The following TSNARE1 variants were observed in gnomAD, a reference collection of about 807,000 sequenced individuals.
TSNARE1 encodes t-SNARE domain-containing protein 1.
Under a neutral mutation model 62.0 loss-of-function variants are expected in TSNARE1, and 49 were observed. The ratio of observed to expected loss-of-function variants is 0.79; its 90% CI spans 0.63 to 1.00. The LOEUF (loss-of-function observed/expected upper bound fraction) is 1.00, where lower values mean the gene tolerates loss of function less well. TSNARE1 is among the 50% of genes least tolerant of loss of function. The probability of loss-of-function intolerance (pLI) is 0.00; values close to 1 mark genes in which losing one functional copy is unlikely to be tolerated. For synonymous variants in TSNARE1, 328 were observed against 294.4 expected (o/e 1.11, Z -1.17); for missense variants, 755 against 700.1 (o/e 1.08, Z -0.88).
intron 9 of TSNARE1, among the ~76,000 whole-genome samples, chr8:142,304,483 G>T (rs933937742): frequency 6.6e-6 from 1 of 152,202 alleles, no homozygotes; most frequent in Admixed American, 6.5e-5. Flanking sequence ...CCACCCACAC[G>T]GTCTGACCCC....
At chr8:142,268,005 A>T (rs1347963388) in intron 12 of TSNARE1, among the ~76,000 whole-genome samples, 2 of 152,192 alleles carry the variant, frequency 1.3e-5, no homozygotes, top group African/African-American at 2.4e-5. Context: ...GGCGAACCTC[A>T]GGCCACCCCT....
intron 12 of TSNARE1, among the ~76,000 whole-genome samples, chr8:142,245,537 G>T (rs1817850648): frequency 6.6e-6 from 1 of 152,184 alleles, no homozygotes; most frequent in African/African-American, 2.4e-5. Flanking sequence ...TCAAAACAAA[G>T]CTGGATGACA....
intron 6 of TSNARE1, among the ~76,000 whole-genome samples, chr8:142,322,770 G>T (rs1395954615): frequency 6.6e-6 from 1 of 152,092 alleles, no homozygotes; most frequent in African/African-American, 2.4e-5. Context: ...CTGTGTCCAT[G>T]GGCTGGATGA....
chr8:142,270,154 G>A (rs1398591010), intron 12 of TSNARE1: 1 of 985,324 alleles, frequency 1.0e-6, no homozygotes, highest in Non-Finnish European at 1.2e-6. Context: ...CCCGACGGCT[G>A]CCTAGGCTGG....
intron 10 of TSNARE1, among the ~76,000 whole-genome samples, chr8:142,286,928 T>C (rs373112463): frequency 6.6e-6 from 1 of 152,170 alleles, no homozygotes; most frequent in Non-Finnish European, 1.5e-5. Flanking sequence ...CATCTCCTCA[T>C]GCGGCATGTG....
chr8:142,358,464 C>T (rs1380901367), intron 1 of TSNARE1, among the ~76,000 whole-genome samples: 1 of 152,122 alleles, frequency 6.6e-6, no homozygotes, highest in Non-Finnish European at 1.5e-5. Flanking sequence ...GACTGGAAGG[C>T]TGCCCAACTC....
chr8:142,294,949 T>G (rs1423826629), intron 10 of TSNARE1, among the ~76,000 whole-genome samples: 1 of 152,042 alleles, frequency 6.6e-6, no homozygotes, highest in East Asian at 1.9e-4. Flanking sequence ...CCGCCAGCAC[T>G]CACCTCCGCG....
chr8:142,278,917 C>T (rs1820946260), intron 11 of TSNARE1: 2 of 488,850 alleles, frequency 4.1e-6, no homozygotes, highest in African/African-American at 4.2e-5. Context: ...TGGCTCTGCC[C>T]AAACTCCTCA....
intron 6 of TSNARE1, among the ~76,000 whole-genome samples, chr8:142,323,597 T>C (rs1829800331): frequency 6.6e-6 from 1 of 152,194 alleles, no homozygotes; most frequent in Non-Finnish European, 1.5e-5. Context: ...GACTCCAATC[T>C]GAGGCTGGAC....
chr8:142,269,096 T>C (rs1234366121), intron 12 of TSNARE1, among the ~76,000 whole-genome samples: 1 of 152,242 alleles, frequency 6.6e-6, no homozygotes, highest in Non-Finnish European at 1.5e-5. Flanking sequence ...TGTTTCTGTA[T>C]CCTCAGCACT....
At chr8:142,318,005 C>T (rs1377329106) in intron 7 of TSNARE1, among the ~76,000 whole-genome samples, 1 of 152,156 alleles carries the variant, frequency 6.6e-6, no homozygotes, top group Admixed American at 6.5e-5. Flanking sequence ...AGGGAACAGC[C>T]CTGGGGCAGC....
At chr8:142,292,327 G>T (rs1023668810) in intron 10 of TSNARE1, among the ~76,000 whole-genome samples, 1 of 152,224 alleles carries the variant, frequency 6.6e-6, no homozygotes, top group Admixed American at 6.5e-5. Flanking sequence ...GGCGAGGGCC[G>T]GAGAGGAATG....
At chr8:142,320,625 G>A (rs151086237) in intron 6 of TSNARE1, among the ~76,000 whole-genome samples, 1 of 152,276 alleles carries the variant, frequency 6.6e-6, no homozygotes, top group East Asian at 1.9e-4. Context: ...TGCTGCTCCT[G>A]AATGAGCCGG....
At chr8:142,251,635 C>T (rs1000925387) in intron 12 of TSNARE1, among the ~76,000 whole-genome samples, 4 of 152,192 alleles carry the variant, frequency 2.6e-5, no homozygotes, top group Non-Finnish European at 5.9e-5. Flanking sequence ...GAGGAGCCTT[C>T]GACACCCTTC....
intron 13 of TSNARE1, among the ~76,000 whole-genome samples, chr8:142,222,956 T>TCATC (rs796867557): frequency 0.29 from 41,378 of 140,414 alleles, 8,301 homozygotes; most frequent in East Asian, 0.49. Context: ...ACTCATCCAC[T>TCATC]CACTCACTCA....
intron 1 of TSNARE1, among the ~76,000 whole-genome samples, chr8:142,386,984 C>T (rs951611115): frequency 6.6e-6 from 1 of 152,164 alleles, no homozygotes; most frequent in Non-Finnish European, 1.5e-5. Context: ...CATCAAACTT[C>T]CGTAACCCAA....
chr8:142,335,147 G>C (rs953406846), intron 4 of TSNARE1, among the ~76,000 whole-genome samples: 1 of 151,520 alleles, frequency 6.6e-6, no homozygotes, highest in African/African-American at 2.4e-5. Context: ...ACGAGGCAGG[G>C]TTATCATGTG....
intron 1 of TSNARE1, among the ~76,000 whole-genome samples, chr8:142,400,151 AAAG>A (rs1198818835): frequency 2.6e-5 from 4 of 152,110 alleles, no homozygotes; most frequent in Admixed American, 6.5e-5. Context: ...GCCTGGCCAA[AAAG>A]AAGAAGTGGC....
intron 2 of TSNARE1, among the ~76,000 whole-genome samples, chr8:142,347,217 T>A (rs987271713): frequency 6.6e-6 from 1 of 152,130 alleles, no homozygotes; most frequent in Non-Finnish European, 1.5e-5. Flanking sequence ...GCAAAGTAGA[T>A]CAGAGTCAGA....
Sources: allele counts gnomAD v4.1 joint callset (sites outside exome capture counted in the v4.1 genomes callset), GRCh38; gene constraint gnomAD v4.1.1; transcripts MANE v1.5; gene names NCBI Gene and HGNC (gene_info 2026-07-23, HGNC 2026-07-21).